Variants in PTPRT observed in about 807,000 individuals in gnomAD.
PTPRT encodes the protein protein tyrosine phosphatase receptor type T.
In PTPRT, 56 loss-of-function variants were observed where a neutral mutation model predicts 176.8. The ratio of observed to expected loss-of-function variants is 0.32; its 90% CI spans 0.26 to 0.40. The LOEUF (loss-of-function observed/expected upper bound fraction) is 0.40, where lower values mean the gene tolerates loss of function less well. Among genes scored for constraint, PTPRT ranks in the 10% least tolerant of loss-of-function variants. The pLI, the probability that PTPRT is intolerant of heterozygous loss-of-function variation, is 1.00. For synonymous variants in PTPRT, 783 were observed against 739.0 expected, an observed-to-expected ratio of 1.06 and a Z score of -0.96; for missense variants, 1,540 against 1,908.2, an observed-to-expected ratio of 0.81 and a Z score of 3.60.
intron 29 of PTPRT, among the ~76,000 whole-genome samples, chr20:42,082,977 G>A (rs1433071194): frequency 6.6e-6 from 1 of 152,130 alleles, no homozygotes; most frequent in Non-Finnish European, 1.5e-5. Context: ...ACTGGTGCCT[G>A]CATTTCAAGG....
At chr20:42,936,513 G>T (rs1002922989) in intron 1 of PTPRT, among the ~76,000 whole-genome samples, 3 of 152,186 alleles carry the variant, frequency 2.0e-5, no homozygotes, top group Non-Finnish European at 2.9e-5. Context: ...AGCTACTGGT[G>T]GGGGGTGGCC....
the PTPRT span, among the ~76,000 whole-genome samples, chr20:42,045,777 G>A: frequency 2.0e-5 from 3 of 152,072 alleles, no homozygotes; most frequent in Non-Finnish European, 4.4e-5. Flanking sequence ...AACAACTGAG[G>A]CCAAGTCTCC....
At chr20:42,940,669 G>A (rs538657753) in intron 1 of PTPRT, among the ~76,000 whole-genome samples, 1 of 152,286 alleles carries the variant, frequency 6.6e-6, no homozygotes, top group African/African-American at 2.4e-5. Flanking sequence ...AAGGGAACCA[G>A]AACATGATGT....
chr20:42,766,092 A>T (rs560018872), intron 5 of PTPRT, among the ~76,000 whole-genome samples: 2 of 152,354 alleles, frequency 1.3e-5, no homozygotes, highest in Admixed American at 1.3e-4. Flanking sequence ...ACTTATAATT[A>T]TGTTGGTATA....
At chr20:42,526,122 A>G (rs2072263822) in intron 7 of PTPRT, among the ~76,000 whole-genome samples, 1 of 152,046 alleles carries the variant, frequency 6.6e-6, no homozygotes. Context: ...CTTGTTTTGA[A>G]TATTCTAAAG....
intron 6 of PTPRT, among the ~76,000 whole-genome samples, chr20:42,754,216 C>T (rs986413726): frequency 4.6e-5 from 7 of 152,094 alleles, no homozygotes; most frequent in Non-Finnish European, 1.0e-4. Flanking sequence ...GATGGAGTCT[C>T]GCTCAGCCGC....
chr20:43,075,312 C>A (rs1478519616), intron 1 of PTPRT, among the ~76,000 whole-genome samples: 2 of 152,256 alleles, frequency 1.3e-5, no homozygotes, highest in Admixed American at 1.3e-4. Context: ...TATCTTTCTC[C>A]ATCTACCTGG....
intron 1 of PTPRT, among the ~76,000 whole-genome samples, chr20:42,962,732 A>G (rs186211112): frequency 1.3e-5 from 2 of 152,314 alleles, no homozygotes; most frequent in Non-Finnish European, 2.9e-5. Flanking sequence ...CAGAAACACT[A>G]CCACCACCAT....
At chr20:42,527,212 C>T (rs1451853649) in intron 7 of PTPRT, among the ~76,000 whole-genome samples, 1 of 152,000 alleles carries the variant, frequency 6.6e-6, no homozygotes, top group Non-Finnish European at 1.5e-5. Flanking sequence ...ATCCGCCTGC[C>T]TCGGCCTCCC....
chr20:42,979,798 G>GAATAACTGT (rs1019145705), intron 1 of PTPRT, among the ~76,000 whole-genome samples: 9 of 152,030 alleles, frequency 5.9e-5, no homozygotes, highest in Non-Finnish European at 1.3e-4. Context: ...GTCTAAAGGT[G>GAATAACTGT]AATAACTGTA....
At chr20:42,520,660 G>T (rs2072155090) in intron 7 of PTPRT, among the ~76,000 whole-genome samples, 1 of 152,038 alleles carries the variant, frequency 6.6e-6, no homozygotes, top group African/African-American at 2.4e-5. Context: ...CCCCAGCTCT[G>T]AGATGAACTA....
At chr20:42,478,135 C>T (rs969946339) in intron 7 of PTPRT, among the ~76,000 whole-genome samples, 3 of 152,218 alleles carry the variant, frequency 2.0e-5, no homozygotes, top group Non-Finnish European at 4.4e-5. Flanking sequence ...GTGGACAGAA[C>T]TTGCACCTGA....
At chr20:42,493,729 C>A (rs2071601197) in intron 7 of PTPRT, among the ~76,000 whole-genome samples, 2 of 151,404 alleles carry the variant, frequency 1.3e-5, no homozygotes, top group African/African-American at 4.9e-5. Context: ...CCACATCCAT[C>A]CAAAAGTTTT....
chr20:42,620,522 G>A (rs1013638610), intron 7 of PTPRT, among the ~76,000 whole-genome samples: 7 of 149,408 alleles, frequency 4.7e-5, no homozygotes, highest in Non-Finnish European at 8.9e-5. Context: ...GGGCAATGGC[G>A]GGCGCCCCTC....
intron 7 of PTPRT, among the ~76,000 whole-genome samples, chr20:42,529,859 A>G (rs1237744529): frequency 1.3e-5 from 2 of 151,908 alleles, no homozygotes; most frequent in East Asian, 1.9e-4. Flanking sequence ...AAAAAAAAAA[A>G]AAAAAAGAAA....
chr20:42,192,625 G>A (rs1991044861), intron 16 of PTPRT, among the ~76,000 whole-genome samples: 1 of 152,146 alleles, frequency 6.6e-6, no homozygotes, highest in Admixed American at 6.6e-5. Flanking sequence ...TGGTCATGTT[G>A]GGAGGTACAA....
At position 42,604,200 on chromosome 20, in the gene PTPRT, T is replaced by A. The variant is rs116976521; in HGVS notation, c.1153+73666A>T. On this transcript the variant is annotated intron_variant, in intron 7 of 30. Coordinates refer to ENST00000373187, the MANE Select transcript of PTPRT (RefSeq NM_007050.6). ...TGAGTCAGCAATGTTCTAGTTAATA[T>A]CTCTCCTCCATTTGTCCCCCCGCTC... Among the ~76,000 whole-genome samples, 630 of 152,232 alleles carry A rather than the reference T, an allele frequency of 4.1e-3. 5 individuals carry two copies. Among genetic ancestry groups the A allele is most frequent in the Non-Finnish European group, 7.3e-3 (497 of 68,008 alleles).
intron 7 of PTPRT, among the ~76,000 whole-genome samples, chr20:42,626,180 G>C (rs1456292720): frequency 1.3e-5 from 2 of 151,926 alleles, no homozygotes; most frequent in Non-Finnish European, 2.9e-5. Context: ...GGCTCATCTA[G>C]TTTAAGAAAA....
intron 9 of PTPRT, among the ~76,000 whole-genome samples, chr20:42,428,985 T>C (rs1270551884): frequency 2.6e-5 from 4 of 152,168 alleles, no homozygotes; most frequent in South Asian, 2.1e-4. Flanking sequence ...TTGATCATGA[T>C]TGGGAAATTC....
Sources: allele counts gnomAD v4.1 joint callset (sites outside exome capture counted in the v4.1 genomes callset), GRCh38; gene constraint gnomAD v4.1.1; transcripts MANE v1.5; gene names NCBI Gene and HGNC (gene_info 2026-07-23, HGNC 2026-07-21).